PTPRK: variants seen among roughly 807,000 people sequenced by gnomAD.
The protein encoded by PTPRK is receptor-type tyrosine-protein phosphatase kappa.
In PTPRK, 75 loss-of-function variants were observed where a neutral mutation model predicts 178.0. The observed-to-expected ratio is 0.42, with a 90% CI of 0.35 to 0.51. The LOEUF (loss-of-function observed/expected upper bound fraction) is 0.51, where lower values mean the gene tolerates loss of function less well. PTPRK is among the 20% of genes least tolerant of loss of function. The probability of loss-of-function intolerance (pLI) is 0.02; values close to 1 mark genes in which losing one functional copy is unlikely to be tolerated. For synonymous variants in PTPRK, 637 were observed against 620.6 expected (o/e 1.03, Z -0.39); for missense variants, 1,441 against 1,797.8 (o/e 0.80, Z 3.59).
intron 13 of PTPRK, among the ~76,000 whole-genome samples, chr6:128,039,813 C>G (rs929591639): frequency 6.6e-6 from 1 of 152,124 alleles, no homozygotes; most frequent in African/African-American, 2.4e-5. Context: ...CAACCCTCTT[C>G]TTTGGAGCAC....
chr6:128,341,655 C>T (rs191201884), intron 2 of PTPRK, among the ~76,000 whole-genome samples: 1 of 152,224 alleles, frequency 6.6e-6, no homozygotes, highest in East Asian at 1.9e-4. Context: ...AGGTTTAGAA[C>T]TTGATGCTAG....
intron 2 of PTPRK, among the ~76,000 whole-genome samples, chr6:128,341,599 T>G (rs1473926604): frequency 6.6e-6 from 1 of 152,218 alleles, no homozygotes; most frequent in Non-Finnish European, 1.5e-5. Flanking sequence ...CCTTGAAACA[T>G]GTAAAGAACC....
At chr6:128,067,413 TTC>T (rs1475733090) in intron 12 of PTPRK, 104 bp downstream of exon 12, 9 of 1,279,532 alleles carry the variant, frequency 7.0e-6, no homozygotes, top group Admixed American at 2.9e-5. Flanking sequence ...CATGCAAATT[TTC>T]TTTTTCTTTT....
At chr6:128,320,657 A>G (rs1828662509) in intron 3 of PTPRK, among the ~76,000 whole-genome samples, 1 of 152,134 alleles carries the variant, frequency 6.6e-6, no homozygotes, top group African/African-American at 2.4e-5. Flanking sequence ...TTAAGCTCCT[A>G]TGACAGATTC....
chr6:128,385,601 G>A (rs935026062), intron 2 of PTPRK, among the ~76,000 whole-genome samples: 3 of 152,168 alleles, frequency 2.0e-5, no homozygotes, highest in Non-Finnish European at 4.4e-5. Context: ...TACCCTGATG[G>A]AGAATTTTTC....
At chr6:128,118,401 G>C (rs747098853) in intron 7 of PTPRK, among the ~76,000 whole-genome samples, 1 of 152,112 alleles carries the variant, frequency 6.6e-6, no homozygotes, top group Non-Finnish European at 1.5e-5. Flanking sequence ...ACAGGACGTA[G>C]AATTCAGAAA....
chr6:128,016,971 A>C (rs1423410527), intron 13 of PTPRK, among the ~76,000 whole-genome samples: 1 of 152,036 alleles, frequency 6.6e-6, no homozygotes, highest in Admixed American at 6.6e-5. Context: ...AAATGATTTC[A>C]ACTACTATAG....
At chr6:128,069,619 T>C (rs1782463920) in intron 11 of PTPRK, among the ~76,000 whole-genome samples, 1 of 152,156 alleles carries the variant, frequency 6.6e-6, no homozygotes, top group South Asian at 2.1e-4. Flanking sequence ...CAAACAAATG[T>C]AACCTTATAT....
intron 13 of PTPRK, among the ~76,000 whole-genome samples, chr6:128,022,667 A>G (rs993215021): frequency 1.3e-5 from 2 of 152,158 alleles, no homozygotes; most frequent in African/African-American, 2.4e-5. Context: ...TGCCAGATCA[A>G]ACAGCTGGCT....
chr6:128,277,198 T>C (rs577118066), intron 3 of PTPRK, among the ~76,000 whole-genome samples: 4 of 152,042 alleles, frequency 2.6e-5, no homozygotes, highest in South Asian at 2.1e-4. Context: ...AAAACAAACA[T>C]TGAACGTTTA....
Position 128,331,241 on chromosome 6 carries a change from T to C in PTPRK, c.224-8931A>G, listed in dbSNP as rs187406329. 1.6e-4 allele frequency among the ~76,000 whole-genome samples: 25 copies of C among 152,252 alleles called. 1 individual carries two copies. Among genetic ancestry groups the C allele is most frequent in the African/African-American group, 5.8e-4 (24 of 41,546 alleles). ...TATAAAAAAGTCGGACAACTATCTA[T>C]TTGTGTTTCCTGCCCTGCATTCCCA... is the stretch of plus-strand genomic sequence containing the variant. On this transcript the variant is annotated intron_variant, in intron 2 of 29. Coordinates refer to ENST00000368226, the MANE Select transcript of PTPRK (RefSeq NM_002844.4).
At chr6:128,273,536 A>G (rs144155689) in intron 3 of PTPRK, among the ~76,000 whole-genome samples, 53 of 152,244 alleles carry the variant, frequency 3.5e-4, no homozygotes, top group Non-Finnish European at 6.0e-4. Context: ...ACCTACTGAG[A>G]TCCACTGTCC....
At chr6:127,977,248 G>C (rs982246181) in intron 25 of PTPRK, among the ~76,000 whole-genome samples, 194 bp from the exon 26 acceptor site, 1 of 152,160 alleles carries the variant, frequency 6.6e-6, no homozygotes, top group African/African-American at 2.4e-5. Context: ...GTACAGTAAT[G>C]AATCAATTTG....
chr6:128,232,172 A>G (rs1307016998), intron 5 of PTPRK: 1 of 152,220 alleles, frequency 6.6e-6, no homozygotes. Flanking sequence ...CATACACACG[A>G]CGTGCTTTCT....
At chr6:128,037,561 A>G (rs1776435441) in intron 13 of PTPRK, among the ~76,000 whole-genome samples, 1 of 152,200 alleles carries the variant, frequency 6.6e-6, no homozygotes, top group South Asian at 2.1e-4. Flanking sequence ...TAACATCAAG[A>G]CATTTGGGAA....
intron 5 of PTPRK, 67 bp from the exon 6 acceptor site, chr6:128,219,163 G>T: frequency 1.5e-6 from 2 of 1,375,564 alleles, no homozygotes; most frequent in African/African-American, 1.5e-5. Context: ...AAGCATCTTA[G>T]CAAGCAATAT....
rs78263353 is a variant in PTPRK at position 128,451,741 on chromosome 6, T to C, written c.101-54053A>G. Among the ~76,000 whole-genome samples the C allele has an allele frequency of 7.1e-3, 1,087 of 152,288 alleles. 12 individuals are homozygous for C. The highest frequency in any genetic ancestry group is 0.024 in the African/African-American group (1,015 of 41,564). On this transcript the variant is annotated intron_variant, in intron 1 of 29. Transcript: ENST00000368226. ...GGTTTTCTAATCTCTCAGTTTTAAT[T>C]TCTTATATGGTAAATATTGATAGAC...
At chr6:127,984,528 A>T (rs928854334) in intron 22 of PTPRK, among the ~76,000 whole-genome samples, 1 of 152,164 alleles carries the variant, frequency 6.6e-6, no homozygotes, top group Non-Finnish European at 1.5e-5. Flanking sequence ...GTTTCAAGAG[A>T]GTATCTGAGA....
At chr6:127,973,969 A>C in intron 27 of PTPRK, 142 bp from the exon 28 acceptor site, 1 of 729,598 alleles carries the variant, frequency 1.4e-6, no homozygotes, top group Non-Finnish European at 2.1e-6. Flanking sequence ...TGTACATGCT[A>C]GTAAAAAAAC....
Sources: allele counts gnomAD v4.1 joint callset (sites outside exome capture counted in the v4.1 genomes callset), GRCh38; gene constraint gnomAD v4.1.1; transcripts MANE v1.5; gene names NCBI Gene and HGNC (gene_info 2026-07-23, HGNC 2026-07-21).